The following SNX30 variants were observed in gnomAD, a reference collection of about 807,000 sequenced individuals.
The protein encoded by SNX30 is sorting nexin-30.
SNX30 carries 24 observed loss-of-function variants against 46.4 expected under a neutral mutation model. The observed-to-expected ratio is 0.52, with a 90% CI of 0.37 to 0.73. The LOEUF is 0.73. SNX30 is among the 30% of genes least tolerant of loss of function. The pLI is 0.00. For missense variants in SNX30, 533 were observed against 555.7 expected (o/e 0.96, Z 0.41); for synonymous variants, 189 against 211.5 (o/e 0.89, Z 0.92).
chr9:112,851,935 A>G (rs1173864647), intron 7 of SNX30, among the ~76,000 whole-genome samples: 4 of 152,228 alleles, frequency 2.6e-5, no homozygotes, highest in Non-Finnish European at 5.9e-5. Flanking sequence ...TAAAATATAT[A>G]CAAACAAATC....
chr9:112,791,236 CA>C (rs1197265508), intron 1 of SNX30, among the ~76,000 whole-genome samples: 1 of 152,020 alleles, frequency 6.6e-6, no homozygotes, highest in African/African-American at 2.4e-5. Flanking sequence ...CCCTGGCAAC[CA>C]AGTCTGCTTT....
intron 1 of SNX30, among the ~76,000 whole-genome samples, chr9:112,797,500 TA>T (rs1052776995): frequency 1.3e-5 from 2 of 152,148 alleles, no homozygotes; most frequent in African/African-American, 4.8e-5. Flanking sequence ...TATTCATAAA[TA>T]TTTTAGTATA....
Position 112,869,768 on chromosome 9 carries a change from C to G in SNX30, c.*925C>G, listed in dbSNP as rs1841417217. The G allele has an allele frequency of 6.6e-6, 1 of 152,142 alleles. No homozygotes were observed. Among genetic ancestry groups the G allele is most frequent in the Non-Finnish European group, 1.5e-5 (1 of 68,032 alleles). The allele number at this position is 152,142 out of a possible 1,614,324, so 9.4% of individuals were successfully genotyped here. A position where few individuals can be genotyped will look rare whatever the true frequency, so the allele number is the denominator to read the frequency against. ...GTGGGCATATACCAAGCTCCACCCC[C>G]AGTGTCAGCTTTGTGCAATTTGCCT... is the stretch of plus-strand genomic sequence containing the variant. On this transcript the variant is annotated 3_prime_UTR_variant, in exon 9 of 9. Coordinates refer to ENST00000374232, the MANE Select transcript of SNX30 (RefSeq NM_001012994.2).
intron 4 of SNX30, among the ~76,000 whole-genome samples, chr9:112,834,803 TTA>T (rs1264711018): frequency 1.3e-5 from 2 of 148,224 alleles, no homozygotes; most frequent in African/African-American, 2.5e-5. Context: ...TCTGTGGAGG[TTA>T]TGAGCCAGGA....
Position 112,838,604 on chromosome 9 carries a change from C to T in SNX30, c.921C>T (p.Asn307=). ...AGGGTGTGTCAGCTTGCATTGGGAA[C>T]TGCTCTACAGCCTTAGAAGAGCTGA... ...PLEGVSACIG[N]CSTALEELTD... Residue 307 remains asparagine (N), a synonymous_variant, in exon 6 of 9, where the codon AAC becomes AAT. Coordinates refer to ENST00000374232, the MANE Select transcript of SNX30 (RefSeq NM_001012994.2). 6.2e-7 allele frequency: 1 copy of T among 1,614,206 alleles called. No homozygotes were observed. The highest frequency in any genetic ancestry group is 1.7e-5 in the Admixed American group (1 of 60,032).
chr9:112,851,599 A>G (rs10759591), intron 7 of SNX30, among the ~76,000 whole-genome samples: 122,617 of 152,188 alleles, frequency 0.81, 49,541 homozygotes, highest in South Asian at 0.87. Flanking sequence ...GGTTCACCTC[A>G]CCTGCTGCCT....
intron 7 of SNX30, among the ~76,000 whole-genome samples, chr9:112,854,611 TAG>T (rs1187537929): frequency 1.3e-5 from 2 of 152,184 alleles, no homozygotes; most frequent in Non-Finnish European, 2.9e-5. Context: ...AAAGACAAAA[TAG>T]ACTGTCCTGG....
At chr9:112,832,440 G>C in intron 4 of SNX30, among the ~76,000 whole-genome samples, 1 of 109,650 alleles carries the variant, frequency 9.1e-6, no homozygotes, top group Admixed American at 1.0e-4. Flanking sequence ...AAGAGAGAGA[G>C]AGAGAGAGAG....
chr9:112,849,910 T>C (rs1225149780), intron 6 of SNX30, among the ~76,000 whole-genome samples: 7 of 152,242 alleles, frequency 4.6e-5, no homozygotes, highest in African/African-American at 1.7e-4. Context: ...GGTTTGCCAC[T>C]TGTGATTCTA....
intron 3 of SNX30, among the ~76,000 whole-genome samples, chr9:112,819,059 T>A (rs1157957820): frequency 6.6e-6 from 1 of 152,148 alleles, no homozygotes; most frequent in East Asian, 1.9e-4. Flanking sequence ...AGTGAATAAT[T>A]TTTAAAAAAT....
chr9:112,773,188 A>G (rs1380154226), intron 1 of SNX30, among the ~76,000 whole-genome samples: 1 of 152,098 alleles, frequency 6.6e-6, no homozygotes, highest in Non-Finnish European at 1.5e-5. Flanking sequence ...TTCTAATATA[A>G]TCACTTACTG....
chr9:112,865,624 CATATATATATATATATATAT>C (rs796986603), intron 8 of SNX30, among the ~76,000 whole-genome samples: 13 of 78,998 alleles, frequency 1.6e-4, no homozygotes, highest in South Asian at 6.0e-4. Flanking sequence ...CCTGTCACGC[CATATATATATATATATATAT>C]ATATATATAT....
At chr9:112,792,359 A>C (rs1840039889) in intron 1 of SNX30, among the ~76,000 whole-genome samples, 1 of 152,208 alleles carries the variant, frequency 6.6e-6, no homozygotes, top group South Asian at 2.1e-4. Flanking sequence ...ACAACCTTTT[A>C]ATTTACAATC....
chr9:112,861,209 G>A (rs571157830), intron 7 of SNX30, among the ~76,000 whole-genome samples: 8 of 152,320 alleles, frequency 5.3e-5, no homozygotes, highest in African/African-American at 1.9e-4. Flanking sequence ...CTGAGGGTCT[G>A]GTGATAGCTG....
rs1198285683 is a variant in SNX30 at position 112,850,205 on chromosome 9, T to C, written c.1015-654T>C. On this transcript the variant is annotated intron_variant, in intron 6 of 8. Coordinates refer to ENST00000374232, the MANE Select transcript of SNX30 (RefSeq NM_001012994.2). Reference sequence around the variant, plus strand: ...CTTGGGGCCCATTGAGCCTTCACTCTGGTGGGCTGGCTGCATGGTTCTAGG... The same window carrying C: ...CTTGGGGCCCATTGAGCCTTCACTCCGGTGGGCTGGCTGCATGGTTCTAGG... Among the ~76,000 whole-genome samples the C allele has an allele frequency of 2.0e-5, 3 of 152,226 alleles. No individual in the cohort carries two copies. In the East Asian group the frequency reaches 5.8e-4, roughly 29 times the overall value.
At chr9:112,826,227 A>C (rs748988281) in intron 3 of SNX30, among the ~76,000 whole-genome samples, 4 of 152,118 alleles carry the variant, frequency 2.6e-5, no homozygotes, top group African/African-American at 9.7e-5. Flanking sequence ...AGTCATTGGC[A>C]CTCAATTTTA....
In SNX30 at chr9:112,817,821, T is replaced by C. The variant is rs992511536; in HGVS notation, c.459+6T>C. 2 of 1,584,934 alleles carry C rather than the reference T, an allele frequency of 1.3e-6. No homozygotes were observed. On this transcript the variant is annotated splice_donor_region_variant and intron_variant, in intron 3 of 8. Transcript: ENST00000374232. ...AGCCCACTCATCTCATTCCCGTAGG[T>C]AGTAAGTCACTACAGCTTGTTTCTC...
rs1220712444 is a variant in SNX30, at chr9:112,850,905, A to T, written c.1061A>T (p.Lys354Ile). The T allele has an allele frequency of 6.2e-7, 1 of 1,614,030 alleles. No homozygotes were observed. Among genetic ancestry groups the T allele is most frequent in the South Asian group, 1.1e-5 (1 of 91,072 alleles). Residue 354 changes from lysine to isoleucine, a missense_variant, in exon 7 of 9, where the codon AAA becomes ATA. Coordinates refer to ENST00000374232, the MANE Select transcript of SNX30 (RefSeq NM_001012994.2). ...RDQVQAEYEA[K>I]LEAVALRKED... ...CAAGTTCAAGCAGAGTATGAAGCCA[A>T]ACTGGAAGCTGTGGCTCTGCGGAAG...
chr9:112,868,231 C>G (rs1208404559), intron 8 of SNX30, among the ~76,000 whole-genome samples: 1 of 152,224 alleles, frequency 6.6e-6, no homozygotes, highest in Non-Finnish European at 1.5e-5. Flanking sequence ...CATAATAAAA[C>G]TCAATAAACA....
Sources: gnomAD v4.1 joint callset for allele counts (sites outside exome capture counted in the v4.1 genomes callset) on GRCh38, gnomAD v4.1.1 for gene constraint, MANE v1.5 for transcripts, NCBI Gene and HGNC (gene_info 2026-07-23, HGNC 2026-07-21) for gene names.